PRSS3: variants seen among roughly 807,000 people sequenced by gnomAD.
PRSS3 encodes the protein trypsin-3.
PRSS3 carries 14 observed loss-of-function variants against 20.8 expected under a neutral mutation model. That is an observed-to-expected ratio of 0.67 (90% confidence interval 0.44 to 1.05). The LOEUF is 1.05. Among genes scored for constraint, PRSS3 ranks in the 50% least tolerant of loss-of-function variants. The pLI, the probability that PRSS3 is intolerant of heterozygous loss-of-function variation, is 0.00. For synonymous variants in PRSS3, 91 were observed against 117.6 expected, an observed-to-expected ratio of 0.77 and a Z score of 1.46; for missense variants, 237 against 306.4, an observed-to-expected ratio of 0.77 and a Z score of 1.69.
intron 1 of PRSS3, among the ~76,000 whole-genome samples, chr9:33,765,540 G>A (rs1306065402): frequency 6.6e-6 from 1 of 152,134 alleles, no homozygotes; most frequent in Non-Finnish European, 1.5e-5. Flanking sequence ...GGAGCCATTA[G>A]GTAAAACAAG....
Position 33,798,559 on chromosome 9 carries a change from T to C in PRSS3, c.528T>C (p.Pro176=). 1 of 1,614,138 alleles carries C rather than the reference T, an allele frequency of 6.2e-7. No homozygotes were observed. Among genetic ancestry groups the C allele is most frequent in the African/African-American group, 1.3e-5 (1 of 75,022 alleles). Residue 176 remains proline, a synonymous_variant, in exon 4 of 5, where the codon CCT becomes CCC. Transcript: ENST00000379405. Reference sequence around the variant, plus strand: ...AGGCTGAGTGTAAAGCCTCCTACCCTGGAAAGATTACCAACAGCATGTTCT... The same window carrying C: ...AGGCTGAGTGTAAAGCCTCCTACCCCGGAAAGATTACCAACAGCATGTTCT... The part of the protein sequence containing the change: ...LTQAECKASY[P]GKITNSMFCV...
chr9:33,771,485 C>A (rs564146546), intron 1 of PRSS3, among the ~76,000 whole-genome samples: 1 of 151,790 alleles, frequency 6.6e-6, no homozygotes, highest in East Asian at 1.9e-4. Flanking sequence ...ACCACCACGC[C>A]CGGCTGATTT....
At chr9:33,781,064 A>G (rs1824163505) in intron 1 of PRSS3, among the ~76,000 whole-genome samples, 1 of 152,260 alleles carries the variant, frequency 6.6e-6, no homozygotes, top group Non-Finnish European at 1.5e-5. Context: ...CACTCCACCC[A>G]AAAGGAATGC....
chr9:33,787,409 T>C (rs1824456526), intron 1 of PRSS3, among the ~76,000 whole-genome samples: 1 of 151,978 alleles, frequency 6.6e-6, no homozygotes, highest in Non-Finnish European at 1.5e-5. Flanking sequence ...AGTTTTGGAG[T>C]GGTCCAGAGG....
chr9:33,753,250 A>G (rs1056206911), intron 1 of PRSS3, among the ~76,000 whole-genome samples: 7 of 152,196 alleles, frequency 4.6e-5, no homozygotes, highest in Admixed American at 4.6e-4. Context: ...CTCATTTGGT[A>G]TATTTCATGT....
At chr9:33,785,467 G>A (rs1254032009) in intron 1 of PRSS3, among the ~76,000 whole-genome samples, 1 of 152,086 alleles carries the variant, frequency 6.6e-6, no homozygotes, top group Non-Finnish European at 1.5e-5. Flanking sequence ...GTGAGCCACC[G>A]CGCCCGGCCC....
upstream of PRSS3, among the ~76,000 whole-genome samples, chr9:33,791,310 C>G (rs537368298): frequency 1.9e-4 from 29 of 152,256 alleles, no homozygotes; most frequent in East Asian, 2.9e-3. Context: ...TGTGCTGGTG[C>G]CTGTGTGGAT....
intron 1 of PRSS3, among the ~76,000 whole-genome samples, chr9:33,761,092 A>G (rs1427063463): frequency 6.6e-6 from 1 of 152,226 alleles, no homozygotes; most frequent in African/African-American, 2.4e-5. Context: ...GTCTTTCACA[A>G]GTATTGTCAT....
At chr9:33,771,716 C>T (rs1159047945) in intron 1 of PRSS3, among the ~76,000 whole-genome samples, 3 of 146,786 alleles carry the variant, frequency 2.0e-5, no homozygotes, top group African/African-American at 7.5e-5. Flanking sequence ...TCATGGCTCA[C>T]TGCAGCCTCA....
At chr9:33,794,126 C>T (rs376095000), upstream of PRSS3, among the ~76,000 whole-genome samples, 2,632 of 152,202 alleles carry the variant, frequency 0.017, 37 homozygotes, top group African/African-American at 0.057. Flanking sequence ...TTTTCCAATT[C>T]CCTCTGGTTT....
At chr9:33,798,657 C>A (rs745975421) in intron 4 of PRSS3, 35 bp downstream of exon 4, 3 of 1,485,024 alleles carry the variant, frequency 2.0e-6, no homozygotes, top group East Asian at 4.8e-5. Flanking sequence ...AGGCTCCCAC[C>A]GATACCCAGG....
At position 33,798,500 on chromosome 9, in the gene PRSS3, G is replaced by A. The variant is rs181280420; in HGVS notation, c.469G>A (p.Glu157Lys). The A allele has an allele frequency of 1.1e-5, 17 of 1,611,578 alleles. No homozygotes were observed. Among genetic ancestry groups the A allele is most frequent in the Middle Eastern group, 1.7e-4 (1 of 6,016 alleles). The change falls in exon 4 of 5, where the codon GAG (glutamate) becomes AAG (lysine). Residue 157 changes from glutamate (E) to lysine (K), a missense_variant. Coordinates refer to ENST00000379405, the MANE Select transcript of PRSS3 (RefSeq NM_002771.4). ...TLSFGADYPD[E>K]LKCLDAPVLT... Reference sequence around the variant, plus strand: ...GATCCTCACAGCTGACTACCCAGACGAGCTGAAGTGCCTGGATGCTCCGGT... The same window carrying A: ...GATCCTCACAGCTGACTACCCAGACAAGCTGAAGTGCCTGGATGCTCCGGT...
At chr9:33,795,825 T>C (rs1677852477) in intron 1 of PRSS3, among the ~76,000 whole-genome samples, 1 of 152,254 alleles carries the variant, frequency 6.6e-6, no homozygotes, top group African/African-American at 2.4e-5. Context: ...CATTCATCCA[T>C]ATCCGAGCTG....
Position 33,799,138 on chromosome 9 carries a change from C to A in PRSS3, c.702C>A (p.Asn234Lys). ...CTGGAGTCTACACCAAGGTCTACAA[C>A]TATGTGGACTGGATTAAGGACACCA... ...NRPGVYTKVYNYVDWIKDTIA... is the reference protein window; with the variant it reads ...NRPGVYTKVYKYVDWIKDTIA... The change falls in exon 5 of 5, where the codon AAC becomes AAA. Residue 234 changes from asparagine to lysine, a missense_variant. Physicochemically the swap from Asn to Lys is moderately conservative, Grantham distance 94. Coordinates refer to ENST00000379405, the MANE Select transcript of PRSS3 (RefSeq NM_002771.4). 6.2e-7 allele frequency: 1 copy of A among 1,614,218 alleles called. No individual in the cohort carries two copies. Among genetic ancestry groups the A allele is most frequent in the Non-Finnish European group, 8.5e-7 (1 of 1,180,038 alleles).
At chr9:33,794,593 G>A (rs996724619), upstream of PRSS3, among the ~76,000 whole-genome samples, 1 of 152,060 alleles carries the variant, frequency 6.6e-6, no homozygotes, top group Non-Finnish European at 1.5e-5. Flanking sequence ...CATTTACCAT[G>A]TGCTAAAATC....
chr9:33,764,499 C>T (rs1437413271), intron 1 of PRSS3, among the ~76,000 whole-genome samples: 1 of 152,146 alleles, frequency 6.6e-6, no homozygotes, highest in African/African-American at 2.4e-5. Context: ...CACCATTGCA[C>T]TCCAGCCTGG....
chr9:33,783,428 T>G (rs1428724331), intron 1 of PRSS3, among the ~76,000 whole-genome samples: 1 of 152,192 alleles, frequency 6.6e-6, no homozygotes, highest in Non-Finnish European at 1.5e-5. Flanking sequence ...CAGTTGACTT[T>G]TCAATGAATT....
chr9:33,793,498 A>G (rs1251625290), upstream of PRSS3, among the ~76,000 whole-genome samples: 2 of 150,444 alleles, frequency 1.3e-5, no homozygotes, highest in African/African-American at 4.9e-5. Flanking sequence ...CATGGCCTGG[A>G]TGGGTCTGGA....
intron 1 of PRSS3, among the ~76,000 whole-genome samples, chr9:33,764,962 C>T (rs1823352879): frequency 6.6e-6 from 1 of 152,172 alleles, no homozygotes; most frequent in South Asian, 2.1e-4. Flanking sequence ...ACTTCATACC[C>T]ACTAGAATGG....
Sources: gnomAD v4.1 joint callset for allele counts (sites outside exome capture counted in the v4.1 genomes callset) on GRCh38, gnomAD v4.1.1 for gene constraint, MANE v1.5 for transcripts, NCBI Gene and HGNC (gene_info 2026-07-23, HGNC 2026-07-21) for gene names.